The following RAB3IL1 variants were observed in gnomAD, a reference collection of about 807,000 sequenced individuals.
RAB3IL1 encodes guanine nucleotide exchange factor for Rab-3A.
Under a neutral mutation model 49.2 loss-of-function variants are expected in RAB3IL1, and 37 were observed. The observed-to-expected ratio is 0.75, with a 90% CI of 0.58 to 0.99. The LOEUF (loss-of-function observed/expected upper bound fraction) is 0.99. RAB3IL1 is among the 50% of genes least tolerant of loss of function. The probability of loss-of-function intolerance (pLI) is 0.00; values close to 1 mark genes in which losing one functional copy is unlikely to be tolerated. For missense variants in RAB3IL1, 484 were observed against 513.0 expected (o/e 0.94, Z 0.55); for synonymous variants, 193 against 213.9 (o/e 0.90, Z 0.85).
chr11:61,943,677 A>G, the RAB3IL1 span, among the ~76,000 whole-genome samples: 5 of 152,352 alleles, frequency 3.3e-5, no homozygotes, highest in South Asian at 6.2e-4. Context: ...CATTTCTCCA[A>G]TGAGGATAAA....
At chr11:61,920,264 C>CA, upstream of RAB3IL1, 2 of 1,235,150 alleles carry the variant, frequency 1.6e-6, no homozygotes, top group South Asian at 7.9e-5. Flanking sequence ...TTCTTCCCCC[C>CA]ACCAGGCTGA....
In RAB3IL1 at chr11:61,906,042, C is replaced by A. The variant is rs554697404; in HGVS notation, c.657+424G>T. Reference sequence around the variant, plus strand: ...AGAAACCCCTTGAGCACAGGGCTGTCACCAGGTGGTCCTGGGGCTCGAGGC... The same window carrying A: ...AGAAACCCCTTGAGCACAGGGCTGTAACCAGGTGGTCCTGGGGCTCGAGGC... On this transcript the variant is annotated intron_variant, in intron 5 of 9. Transcript: ENST00000394836. This position sits in a 1 kb window ranked among gnomAD's most constrained non-coding sequence, Gnocchi z 4.6. 4.5e-4 allele frequency among the ~76,000 whole-genome samples: 68 copies of A among 152,312 alleles called. No individual in the cohort carries two copies. In the South Asian group the frequency reaches 0.014, roughly 31 times the overall value.
the RAB3IL1 span, among the ~76,000 whole-genome samples, chr11:61,935,097 A>G: frequency 6.6e-6 from 1 of 152,208 alleles, no homozygotes; most frequent in Non-Finnish European, 1.5e-5. Context: ...CAAAGAAACA[A>G]GAGAGCATAG....
chr11:61,923,920 C>G (rs779474984), upstream of RAB3IL1, among the ~76,000 whole-genome samples: 1 of 152,206 alleles, frequency 6.6e-6, no homozygotes, highest in Non-Finnish European at 1.5e-5. Context: ...GCTCCCTGCT[C>G]TGTCCCCAGG....
chr11:61,931,445 C>T, the RAB3IL1 span, among the ~76,000 whole-genome samples: 16 of 152,170 alleles, frequency 1.1e-4, no homozygotes, highest in Non-Finnish European at 2.2e-4. Context: ...TGTTACCCAA[C>T]AAAATATCCA....
intron 1 of RAB3IL1, among the ~76,000 whole-genome samples, chr11:61,910,218 T>TGCGGA (rs1442263897): frequency 2.6e-5 from 4 of 152,018 alleles, no homozygotes; most frequent in Non-Finnish European, 1.5e-5. Flanking sequence ...GGCAGGTGGG[T>TGCGGA]GCGGAGTGTG....
chr11:61,902,573 G>A (rs1938975538), intron 7 of RAB3IL1, 32 bp from the exon 8 acceptor site: 1 of 1,543,290 alleles, frequency 6.5e-7, no homozygotes, highest in Non-Finnish European at 8.8e-7. Flanking sequence ...CACGGGGGCT[G>A]GCTGGGGCTT....
At chr11:61,933,118 T>G in the RAB3IL1 span, among the ~76,000 whole-genome samples, 1 of 152,170 alleles carries the variant, frequency 6.6e-6, no homozygotes. Flanking sequence ...GGACCATAAC[T>G]GTGGTAGGAT....
chr11:61,904,902 A>C lies in RAB3IL1; in HGVS notation c.658-20T>G. 2 of 1,372,554 alleles carry C rather than the reference A, an allele frequency of 1.5e-6. No individual in the cohort carries two copies. Among genetic ancestry groups the C allele is most frequent in the East Asian group, 2.9e-5 (1 of 34,788 alleles). The allele number at this position is 1,372,554 out of a possible 1,614,324, so 85.0% of individuals were successfully genotyped here. A position where few individuals can be genotyped will look rare whatever the true frequency, so the allele number is the denominator to read the frequency against. On this transcript the variant is annotated intron_variant, in intron 5 of 9. Coordinates refer to ENST00000394836, the MANE Select transcript of RAB3IL1 (RefSeq NM_013401.4). Reference sequence around the variant, plus strand: ...GTCCACCTGTGGGGGAGGGCAAGCGAGGGTGGGGGCGGTCAGGGTACTGGG... The same window carrying C: ...GTCCACCTGTGGGGGAGGGCAAGCGCGGGTGGGGGCGGTCAGGGTACTGGG...
At chr11:61,901,605 G>A (rs1457924494) in intron 8 of RAB3IL1, among the ~76,000 whole-genome samples, 1 of 152,218 alleles carries the variant, frequency 6.6e-6, no homozygotes, top group Non-Finnish European at 1.5e-5. Flanking sequence ...CTGGAGAGTG[G>A]CCCTCCTGAT....
rs747816228 is a variant in RAB3IL1, at chr11:61,898,379, T to C, written c.1067-19A>G. On this transcript the variant is annotated intron_variant, in intron 9 of 9. Coordinates refer to ENST00000394836, the MANE Select transcript of RAB3IL1 (RefSeq NM_013401.4). The surrounding 1 kb of genome is among the most constrained non-coding windows in gnomAD (Gnocchi z 5.1). ...GGCTCTGCTGCAGGCAGAGAGAGGG[T>C]GAACAGGTCGGGGACAGCTCAGGGT... 3.7e-6 allele frequency: 6 copies of C among 1,611,256 alleles called. No individual in the cohort carries two copies. Among genetic ancestry groups the C allele is most frequent in the Non-Finnish European group, 4.2e-6 (5 of 1,178,692 alleles).
chr11:61,906,578 T>G lies in RAB3IL1; in HGVS notation c.545A>C (p.Lys182Thr). The G allele has an allele frequency of 6.2e-7, 1 of 1,605,996 alleles. No individual in the cohort carries two copies. Residue 182 changes from lysine (K) to threonine (T), a missense_variant, in exon 5 of 10, where the codon AAG becomes ACG. By Grantham distance (78) the Lys-to-Thr change is moderately conservative. Coordinates refer to ENST00000394836, the MANE Select transcript of RAB3IL1 (RefSeq NM_013401.4). This position sits in a 1 kb window ranked among gnomAD's most constrained non-coding sequence, Gnocchi z 4.6. ...ELHPQLLSPT[K>T]AGPRKGHSRH... is the part of the protein sequence containing the mutation. Reference sequence around the variant, plus strand: ...AGAGTGGCCCTTTCGGGGCCCGGCCTTGGTGGGGCTCAGCAGCTGGGGGTG... The same window carrying G: ...AGAGTGGCCCTTTCGGGGCCCGGCCGTGGTGGGGCTCAGCAGCTGGGGGTG...
intron 7 of RAB3IL1, 127 bp downstream of exon 7, chr11:61,904,419 T>C: frequency 2.1e-6 from 2 of 960,554 alleles, no homozygotes; most frequent in East Asian, 2.6e-5. Flanking sequence ...CTCCTTGCCC[T>C]GTGGGGGCAG....
intron 8 of RAB3IL1, among the ~76,000 whole-genome samples, chr11:61,900,318 G>A (rs1270287188): frequency 2.0e-5 from 3 of 152,366 alleles, no homozygotes; most frequent in Admixed American, 6.5e-5. Flanking sequence ...AAGACAGGGT[G>A]GAAGGTAGCC....
the RAB3IL1 span, chr11:61,938,018 A>T: frequency 1.3e-5 from 2 of 152,180 alleles, no homozygotes; most frequent in Non-Finnish European, 2.9e-5. Flanking sequence ...AATTAAAAAA[A>T]AACCCCACAT....
At chr11:61,930,667 A>G in the RAB3IL1 span, among the ~76,000 whole-genome samples, 1 of 152,214 alleles carries the variant, frequency 6.6e-6, no homozygotes, top group East Asian at 1.9e-4. Context: ...AGTCCCAGCT[A>G]CTTGGGAGGC....
At chr11:61,901,223 C>T (rs553560482) in intron 8 of RAB3IL1, among the ~76,000 whole-genome samples, 3 of 152,296 alleles carry the variant, frequency 2.0e-5, no homozygotes, top group African/African-American at 4.8e-5. Context: ...TCACTGGAAA[C>T]GTGTTTCCAA....
At chr11:61,944,802 T>C in the RAB3IL1 span, among the ~76,000 whole-genome samples, 2 of 152,200 alleles carry the variant, frequency 1.3e-5, no homozygotes, top group Non-Finnish European at 2.9e-5. Flanking sequence ...GTTCAAGTGA[T>C]TCTCCTGCCT....
chr11:61,924,541 C>A (rs1939964868), upstream of RAB3IL1, among the ~76,000 whole-genome samples: 1 of 152,110 alleles, frequency 6.6e-6, no homozygotes, highest in African/African-American at 2.4e-5. Flanking sequence ...CCCCTCAGCG[C>A]CCCCACGAAA....
Sources: gnomAD v4.1 joint callset for allele counts (sites outside exome capture counted in the v4.1 genomes callset) on GRCh38, gnomAD v4.1.1 for gene constraint, Gnocchi (gnomAD v3.1) non-coding constraint, MANE v1.5 for transcripts, NCBI Gene and HGNC (gene_info 2026-07-23, HGNC 2026-07-21) for gene names.